The following FCGRT variants were observed in gnomAD, a reference collection of about 807,000 sequenced individuals.
FCGRT encodes IgG receptor FcRn large subunit p51.
A neutral mutation model predicts 35.7 loss-of-function variants in FCGRT; 13 were observed. The ratio of observed to expected loss-of-function variants is 0.36; its 90% CI spans 0.24 to 0.58. The LOEUF (loss-of-function observed/expected upper bound fraction) is 0.58. FCGRT is among the 20% of genes least tolerant of loss of function. The pLI is 0.77. For missense variants in FCGRT, 455 were observed against 474.9 expected (o/e 0.96, Z 0.39); for synonymous variants, 233 against 216.5 (o/e 1.08, Z -0.67).
At chr19:49,521,668 T>A (rs1029784914) in intron 4 of FCGRT, 2 of 136,658 alleles carry the variant, frequency 1.5e-5, no homozygotes, top group African/African-American at 5.5e-5. Flanking sequence ...TGCACCCGGC[T>A]TTTTTTTTTT....
chr19:49,517,737 T>C (rs947303381), intron 4 of FCGRT, among the ~76,000 whole-genome samples: 10 of 152,142 alleles, frequency 6.6e-5, no homozygotes, highest in East Asian at 1.9e-4. Context: ...CACTCTGTCA[T>C]GCGGGAGTGT....
In FCGRT at chr19:49,515,919, A is replaced by G. The variant is rs144686702; in HGVS notation, c.601+1433A>G. 4.1e-3 allele frequency among the ~76,000 whole-genome samples: 619 copies of G among 152,150 alleles called. 4 individuals carry two copies. Among genetic ancestry groups the G allele is most frequent in the African/African-American group, 0.014 (594 of 41,508 alleles). ...ATACTCCAGCCCTCCTTATTCTTCAAGGTCAGGGCTGGATATCACTTCCTC... is the reference window on the plus strand; with the variant it reads ...ATACTCCAGCCCTCCTTATTCTTCAGGGTCAGGGCTGGATATCACTTCCTC... On this transcript the variant is annotated intron_variant, in intron 4 of 6. Coordinates refer to ENST00000221466, the MANE Select transcript of FCGRT (RefSeq NM_001136019.3).
intron 4 of FCGRT, among the ~76,000 whole-genome samples, chr19:49,523,697 A>G (rs1263298951): frequency 6.6e-6 from 1 of 151,910 alleles, no homozygotes; most frequent in East Asian, 1.9e-4. Flanking sequence ...CGTCTCTACT[A>G]AAAATACAAA....
intron 5 of FCGRT, 145 bp from the exon 6 acceptor site, chr19:49,525,312 C>A: frequency 1.4e-6 from 1 of 711,720 alleles, no homozygotes; most frequent in Non-Finnish European, 2.5e-6. Context: ...CTGCCCAGAT[C>A]GCCTGCCTGG....
At chr19:49,513,336 G>A in intron 1 of FCGRT, 51 bp from the exon 2 acceptor site, 2 of 957,608 alleles carry the variant, frequency 2.1e-6, no homozygotes, top group Non-Finnish European at 2.8e-6. Context: ...GTCCCGGGAG[G>A]AAGGGGCGGG....
intron 4 of FCGRT, 119 bp from the exon 5 acceptor site, chr19:49,524,388 C>T: frequency 8.8e-7 from 1 of 1,132,652 alleles, no homozygotes; most frequent in Admixed American, 2.2e-5. Context: ...CCCCTTTTAC[C>T]ACTGTATTAT....
chr19:49,514,465 C>T lies in FCGRT; in HGVS notation c.580C>T (p.Arg194Cys), dbSNP rs759988303. The T allele has an allele frequency of 5.1e-6, 8 of 1,555,812 alleles. No individual in the cohort carries two copies. Among genetic ancestry groups the T allele is most frequent in the South Asian group, 3.6e-5 (3 of 83,066 alleles). Reference protein sequence around the residue: ...HRLREHLERGRGNLEWKEPPS... With the variant: ...HRLREHLERGCGNLEWKEPPS... Reference sequence around the variant, plus strand: ...CCTGCGGGAGCACCTGGAGAGGGGCCGCGGAAACCTGGAGTGGAAGGGTGA... The same window carrying T: ...CCTGCGGGAGCACCTGGAGAGGGGCTGCGGAAACCTGGAGTGGAAGGGTGA... The change falls in exon 4 of 7, where the codon CGC (arginine) becomes TGC (cysteine). Residue 194 changes from arginine to cysteine, a missense_variant. Around this residue, in one of 3 missense-constraint regions of FCGRT, gnomAD observed 312 missense variants for 296.1 expected, o/e 1.05. Coordinates refer to ENST00000221466, the MANE Select transcript of FCGRT (RefSeq NM_001136019.3).
chr19:49,520,725 TGA>T (rs1182498557), intron 4 of FCGRT: 1 of 152,214 alleles, frequency 6.6e-6, no homozygotes, highest in Non-Finnish European at 1.5e-5. Context: ...GGAAGTACCT[TGA>T]GGCTGAAGGC....
intron 4 of FCGRT, among the ~76,000 whole-genome samples, chr19:49,522,356 G>A (rs1329562141): frequency 6.6e-6 from 1 of 151,958 alleles, no homozygotes; most frequent in East Asian, 1.9e-4. Context: ...GATTGTAGGA[G>A]TGAGCCACTG....
intron 5 of FCGRT, 136 bp from the exon 6 acceptor site, chr19:49,525,321 G>GGCCTC (rs1341149906): frequency 2.6e-5 from 19 of 742,050 alleles, no homozygotes; most frequent in Non-Finnish European, 4.3e-5. Context: ...TCGCCTGCCT[G>GGCCTC]GCCTCGCCTC....
chr19:49,522,324 C>A (rs1441220485), intron 4 of FCGRT, among the ~76,000 whole-genome samples: 1 of 152,126 alleles, frequency 6.6e-6, no homozygotes, highest in East Asian at 1.9e-4. Flanking sequence ...AAGTGATCCA[C>A]CTCATTCTCC....
In FCGRT at chr19:49,516,252, C is replaced by CT. The variant is rs926416007; in HGVS notation, c.601+1773dup. 2.6e-5 allele frequency: 11 copies of CT among 422,996 alleles called. No homozygotes were observed. The East Asian group carries it at 3.6e-4, about 14-fold the overall frequency. 26.2% of individuals were successfully genotyped at this position (422,996 alleles called of 1,614,324 possible). The stretch of plus-strand genomic sequence containing the variant: ...TTTCCTAAGTAGGGAAAATTTCTTT[C>CT]TTTTTTTGAGACAGAGTTTCGCTCT... On this transcript the variant is annotated intron_variant, in intron 4 of 6. Coordinates refer to ENST00000221466, the MANE Select transcript of FCGRT (RefSeq NM_001136019.3).
intron 4 of FCGRT, among the ~76,000 whole-genome samples, chr19:49,520,426 A>G (rs1601194534): frequency 6.7e-6 from 1 of 149,932 alleles, no homozygotes; most frequent in Admixed American, 6.7e-5. Flanking sequence ...GCTCACTGCA[A>G]CCTCCGCCTC....
intron 4 of FCGRT, among the ~76,000 whole-genome samples, chr19:49,521,984 T>A (rs934879868): frequency 6.6e-5 from 10 of 151,880 alleles, no homozygotes; most frequent in Non-Finnish European, 1.5e-4. Flanking sequence ...TTCATTCCCT[T>A]AACGAAACCT....
chr19:49,526,183 C>A lies in FCGRT; in HGVS notation c.*64C>A. 2 of 1,038,658 alleles carry A rather than the reference C, an allele frequency of 1.9e-6. No homozygotes were observed. Among genetic ancestry groups the A allele is most frequent in the South Asian group, 1.3e-5 (1 of 76,350 alleles). 64.3% of individuals were successfully genotyped at this position (1,038,658 alleles called of 1,614,324 possible). On this transcript the variant is annotated 3_prime_UTR_variant, in exon 7 of 7. Coordinates refer to ENST00000221466, the MANE Select transcript of FCGRT (RefSeq NM_001136019.3). ...GGCCCCTTTCATGCTGTGAGACCTC[C>A]TGGAACACTGGCATCTCTGAGCCTC...
intron 4 of FCGRT, among the ~76,000 whole-genome samples, chr19:49,516,838 G>A (rs983152619): frequency 6.6e-6 from 1 of 151,918 alleles, no homozygotes; most frequent in African/African-American, 2.4e-5. Context: ...TTACAGGCAT[G>A]AGCCACCACT....
intron 4 of FCGRT, among the ~76,000 whole-genome samples, chr19:49,522,776 T>C (rs1389683670): frequency 1.1e-4 from 13 of 121,372 alleles, no homozygotes; most frequent in Admixed American, 6.0e-4. Context: ...CTCTCTTTTT[T>C]TTTTTTTTTT....
Position 49,526,321 on chromosome 19 carries a change from G to A in FCGRT, c.*202G>A. On this transcript the variant is annotated 3_prime_UTR_variant, in exon 7 of 7. Transcript: ENST00000221466. ...TTTCCACCTCGATAATATAACACGAGTTTGGGCCCGAATCAGTGTGTTCTC... is the reference window on the plus strand; with the variant it reads ...TTTCCACCTCGATAATATAACACGAATTTGGGCCCGAATCAGTGTGTTCTC... 1 of 570,048 alleles carries A rather than the reference G, an allele frequency of 1.8e-6. No individual in the cohort carries two copies. Among genetic ancestry groups the A allele is most frequent in the South Asian group, 2.0e-5 (1 of 49,298 alleles). The allele number at this position is 570,048 out of a possible 1,614,324, so 35.3% of individuals were successfully genotyped here.
rs560447455 is a variant in FCGRT at position 49,526,306 on chromosome 19, G to A, written c.*187G>A. On this transcript the variant is annotated 3_prime_UTR_variant, in exon 7 of 7. Transcript: ENST00000221466. ...AATACATATGGCTGTTTTCCACCTC[G>A]ATAATATAACACGAGTTTGGGCCCG... The A allele has an allele frequency of 3.6e-5, 21 of 583,220 alleles. No individual in the cohort carries two copies. Among genetic ancestry groups the A allele is most frequent in the South Asian group, 3.2e-4 (16 of 50,026 alleles). 36.1% of individuals were successfully genotyped at this position (583,220 alleles called of 1,614,324 possible). A position where few individuals can be genotyped will look rare whatever the true frequency, so the allele number is the denominator to read the frequency against.
Sources: gnomAD v4.1 joint callset for allele counts (sites outside exome capture counted in the v4.1 genomes callset) on GRCh38, gnomAD v4.1.1 for gene constraint, gnomAD v4.1.1 regional missense constraint, MANE v1.5 for transcripts, NCBI Gene and HGNC (gene_info 2026-07-23, HGNC 2026-07-21) for gene names.